Variants in ATP13A5 observed in about 807,000 individuals in gnomAD.
ATP13A5 encodes the protein probable cation-transporting ATPase 13A5.
In ATP13A5, 149 loss-of-function variants were observed where a neutral mutation model predicts 150.2. The observed-to-expected ratio is 0.99, with a 90% CI of 0.87 to 1.14. The LOEUF (loss-of-function observed/expected upper bound fraction) is 1.14, where lower values mean the gene tolerates loss of function less well. Ranked by LOEUF, ATP13A5 falls within the 50% of genes most tolerant of loss-of-function variation. The pLI, the probability that ATP13A5 is intolerant of heterozygous loss-of-function variation, is 0.00. For synonymous variants in ATP13A5, 497 were observed against 522.2 expected, an observed-to-expected ratio of 0.95 and a Z score of 0.66; for missense variants, 1,383 against 1,449.3, an observed-to-expected ratio of 0.95 and a Z score of 0.74.
Position 193,322,574 on chromosome 3 carries a change from T to C in ATP13A5, c.1675A>G (p.Lys559Glu). 1 of 1,603,848 alleles carries C rather than the reference T, an allele frequency of 6.2e-7. No homozygotes were observed. Among genetic ancestry groups the C allele is most frequent in the Non-Finnish European group, 8.5e-7 (1 of 1,172,214 alleles). ...GAGTCTACAATGCAATCTTCCATTT[T>C]CTGTTATAAAATGAAAACATTCATA... Reference protein sequence around the residue: ...DLKMFEGTAWKMEDCIVDSCK... With the variant: ...DLKMFEGTAWEMEDCIVDSCK... The change falls in exon 15 of 30, where the codon AAA becomes GAA. Residue 559 changes from lysine (K) to glutamate (E), a missense_variant and splice_region_variant. Physicochemically the swap from Lys to Glu is moderately conservative, Grantham distance 56 (BLOSUM62 1). This residue lies in a region of ATP13A5 where 787 missense variants were observed against 771.9 expected (regional missense o/e 1.02). Coordinates refer to ENST00000342358, the MANE Select transcript of ATP13A5 (RefSeq NM_198505.4).
At chr3:193,320,552 AAAAC>A (rs1719225108) in intron 16 of ATP13A5, among the ~76,000 whole-genome samples, 2 of 152,352 alleles carry the variant, frequency 1.3e-5, no homozygotes, top group South Asian at 4.1e-4. Flanking sequence ...TAACTGAAAC[AAAAC>A]AAACACAGTA....
intron 1 of ATP13A5, among the ~76,000 whole-genome samples, chr3:193,368,732 T>C (rs2108583605): frequency 6.6e-6 from 1 of 152,054 alleles, no homozygotes; most frequent in African/African-American, 2.4e-5. Flanking sequence ...CACTGGAAAA[T>C]AAATGAGTAC....
At chr3:193,324,421 T>G (rs1420807096) in intron 14 of ATP13A5, among the ~76,000 whole-genome samples, 1 of 152,226 alleles carries the variant, frequency 6.6e-6, no homozygotes, top group Non-Finnish European at 1.5e-5. Flanking sequence ...GGCTCGTGGC[T>G]GCTCTACCAG....
chr3:193,283,871 A>G (rs1560112657), intron 27 of ATP13A5, among the ~76,000 whole-genome samples: 2 of 150,572 alleles, frequency 1.3e-5, no homozygotes, highest in Non-Finnish European at 2.9e-5. Flanking sequence ...CTGGATAGGT[A>G]TCATGTATCT....
chr3:193,366,098 A>G (rs1467457184), intron 1 of ATP13A5, among the ~76,000 whole-genome samples: 1 of 152,072 alleles, frequency 6.6e-6, no homozygotes, highest in African/African-American at 2.4e-5. Flanking sequence ...GAAAAACCAA[A>G]TGATAGCTAA....
chr3:193,279,324 T>C (rs772368102), intron 28 of ATP13A5, 42 bp downstream of exon 28: 4 of 1,430,580 alleles, frequency 2.8e-6, no homozygotes, highest in South Asian at 1.2e-5. Flanking sequence ...ACATGGTCCA[T>C]GTACATGAGT....
chr3:193,353,232 G>A (rs1712635477), intron 6 of ATP13A5, among the ~76,000 whole-genome samples: 1 of 150,286 alleles, frequency 6.7e-6, no homozygotes, highest in African/African-American at 2.4e-5. Context: ...GCCAACTGGA[G>A]GCAAACAAAG....
chr3:193,364,917 C>T (rs1009689192), intron 1 of ATP13A5, among the ~76,000 whole-genome samples: 2 of 152,150 alleles, frequency 1.3e-5, no homozygotes, highest in African/African-American at 2.4e-5. Flanking sequence ...TTTGGACTCT[C>T]ACTAGTAGGT....
intron 12 of ATP13A5, among the ~76,000 whole-genome samples, chr3:193,327,308 G>C (rs2108868689): frequency 6.6e-6 from 1 of 152,260 alleles, no homozygotes; most frequent in Non-Finnish European, 1.5e-5. Context: ...AAATGAAAGT[G>C]TTTTGTTTTG....
At chr3:193,316,726 T>C (rs973547672) in intron 17 of ATP13A5, among the ~76,000 whole-genome samples, 1 of 152,198 alleles carries the variant, frequency 6.6e-6, no homozygotes, top group Admixed American at 6.6e-5. Flanking sequence ...TAATGTCTTA[T>C]CAGATATATG....
chr3:193,363,655 A>T (rs1214426459), intron 2 of ATP13A5, among the ~76,000 whole-genome samples: 1 of 152,210 alleles, frequency 6.6e-6, no homozygotes, highest in African/African-American at 2.4e-5. Context: ...AATAAAAAGA[A>T]AGATAATACT....
In ATP13A5 at chr3:193,299,178, T is replaced by C; in HGVS notation, c.2801A>G (p.Gln934Arg). ...AATGGCTACATCTTGCATGAGATAC[T>C]GGTAATTTCCAAAGAGTTGTAGTTG... ...YWQLQLFGNY[Q>R]YLMQDVAITL... Residue 934 changes from glutamine (Q) to arginine (R), a missense_variant, in exon 25 of 30, where the codon CAG (glutamine) becomes CGG (arginine). By Grantham distance (43) the Gln-to-Arg change is conservative. This residue lies in a region of ATP13A5 where 568 missense variants were observed against 621.5 expected (regional missense o/e 0.91). Transcript: ENST00000342358. 6.2e-7 allele frequency: 1 copy of C among 1,610,548 alleles called. No individual in the cohort carries two copies. The highest frequency in any genetic ancestry group is 2.2e-5 in the East Asian group (1 of 44,738).
intron 24 of ATP13A5, 50 bp from the exon 25 acceptor site, chr3:193,299,253 CTATT>C (rs1718301831): frequency 7.0e-7 from 1 of 1,427,508 alleles, no homozygotes; most frequent in Admixed American, 1.8e-5. Flanking sequence ...CCATCATAGC[CTATT>C]TATTATTCCC....
intron 21 of ATP13A5, among the ~76,000 whole-genome samples, chr3:193,309,478 G>A (rs1032361923): frequency 2.0e-5 from 3 of 152,096 alleles, no homozygotes; most frequent in African/African-American, 7.2e-5. Flanking sequence ...CTTCTAAATG[G>A]CCCTCAGCGA....
At chr3:193,310,814 T>A in intron 20 of ATP13A5, 97 bp from the exon 21 acceptor site, 1 of 801,254 alleles carries the variant, frequency 1.2e-6, no homozygotes, top group Non-Finnish European at 2.0e-6. Context: ...GTTACTAATT[T>A]AATACAGCAT....
At chr3:193,288,391 A>C (rs527796503) in intron 26 of ATP13A5, among the ~76,000 whole-genome samples, 1 of 152,286 alleles carries the variant, frequency 6.6e-6, no homozygotes, top group Non-Finnish European at 1.5e-5. Context: ...TGTCACAGCT[A>C]TACCCCAACC....
intron 22 of ATP13A5, among the ~76,000 whole-genome samples, chr3:193,306,689 T>C (rs1718632416): frequency 6.6e-6 from 1 of 152,230 alleles, no homozygotes. Flanking sequence ...ACTATTTGTT[T>C]CCTTCATGTC....
chr3:193,307,392 G>A (rs745342887), intron 21 of ATP13A5, 23 bp from the exon 22 acceptor site: 1 of 1,613,208 alleles, frequency 6.2e-7, no homozygotes, highest in Non-Finnish European at 8.5e-7. Context: ...GGAGAAGAAG[G>A]ATTAATAGGT....
chr3:193,358,614 GT>G (rs1308245090), intron 5 of ATP13A5, among the ~76,000 whole-genome samples: 2 of 152,180 alleles, frequency 1.3e-5, no homozygotes, highest in Non-Finnish European at 2.9e-5. Flanking sequence ...AGTTATTTTA[GT>G]TTTTTACATT....
Sources: gnomAD v4.1 joint callset for allele counts (sites outside exome capture counted in the v4.1 genomes callset) on GRCh38, gnomAD v4.1.1 for gene constraint, gnomAD v4.1.1 regional missense constraint, MANE v1.5 for transcripts, NCBI Gene and HGNC (gene_info 2026-07-23, HGNC 2026-07-21) for gene names.